KCNMA1: variants seen among roughly 807,000 people sequenced by gnomAD.
The protein encoded by KCNMA1 is Calcium-activated potassium channel subunit alpha-1.
Under a neutral mutation model 140.0 loss-of-function variants are expected in KCNMA1, and 29 were observed. The observed-to-expected ratio is 0.21, with a 90% confidence interval of 0.15 to 0.28. The LOEUF (loss-of-function observed/expected upper bound fraction) is 0.28, where lower values mean the gene tolerates loss of function less well. Ranked by LOEUF, KCNMA1 falls within the 10% of genes least tolerant of loss-of-function variation. The pLI is 1.00. For synonymous variants in KCNMA1, 612 were observed against 611.9 expected (o/e 1.00, Z 0.00); for missense variants, 880 against 1,602.2 (o/e 0.55, Z 7.70).
At position 77,567,447 on chromosome 10, in the gene KCNMA1, TCCTAGCC is replaced by T. The variant is rs1199709815; in HGVS notation, c.378+69811_378+69817del. Among the ~76,000 whole-genome samples, 4 of 152,210 alleles carry T rather than the reference TCCTAGCC, an allele frequency of 2.6e-5. No individual in the cohort carries two copies. The South Asian group carries it at 8.3e-4, about 32-fold the overall frequency. On this transcript the variant is annotated intron_variant, in intron 1 of 27. Coordinates refer to ENST00000286628, the MANE Select transcript of KCNMA1 (RefSeq NM_001161352.2). ...TAAGCGTGTGTAACTCTTGAGCAAA[TCCTAGCC>T]CCTGGAGGAACTACCGGCAGTTATG...
intron 2 of KCNMA1, among the ~76,000 whole-genome samples, chr10:77,261,470 A>G (rs763279452): frequency 6.6e-6 from 1 of 152,182 alleles, no homozygotes; most frequent in Non-Finnish European, 1.5e-5. Context: ...TTCCCCAAAC[A>G]TCGCAGGAGT....
At chr10:77,011,638 G>C (rs561410400) in intron 18 of KCNMA1, among the ~76,000 whole-genome samples, 4 of 152,294 alleles carry the variant, frequency 2.6e-5, no homozygotes, top group African/African-American at 9.6e-5. Flanking sequence ...AACACTTTGT[G>C]CTCTGTGGCT....
intron 3 of KCNMA1, among the ~76,000 whole-genome samples, chr10:77,209,482 T>C (rs189041256): frequency 2.6e-5 from 4 of 152,282 alleles, no homozygotes; most frequent in African/African-American, 9.6e-5. Context: ...AAGTTCTAGG[T>C]TCAGATAACA....
Position 77,012,061 on chromosome 10 carries a change from A to G in KCNMA1, c.2016-18T>C. ...AAAATGCCCTGGAGAAAGAGAATGGAAAAACTGACACGTTTCATAATCCAC... is the reference window on the plus strand; with the variant it reads ...AAAATGCCCTGGAGAAAGAGAATGGGAAAACTGACACGTTTCATAATCCAC... On this transcript the variant is annotated intron_variant, in intron 17 of 27. Transcript: ENST00000286628. 5.6e-6 allele frequency: 9 copies of G among 1,613,508 alleles called. No individual in the cohort carries two copies. The highest frequency in any genetic ancestry group is 7.6e-6 in the Non-Finnish European group (9 of 1,179,718).
In KCNMA1 at chr10:77,321,107, A is replaced by G. The variant is rs551577383; in HGVS notation, c.541-69851T>C. ...TTTGCCTTCCCTAGGCAAGATGTTT[A>G]TATTTAATCAAACAACTTCTGGGAA... is the stretch of plus-strand genomic sequence containing the variant. On this transcript the variant is annotated intron_variant, in intron 2 of 27. Transcript: ENST00000286628. Among the ~76,000 whole-genome samples, 3 of 152,366 alleles carry G rather than the reference A, an allele frequency of 2.0e-5. No individual in the cohort carries two copies. In the South Asian group the frequency reaches 6.2e-4, roughly 32 times the overall value.
intron 2 of KCNMA1, among the ~76,000 whole-genome samples, chr10:77,295,559 A>G (rs565807629): frequency 6.6e-6 from 1 of 151,768 alleles, no homozygotes; most frequent in East Asian, 1.9e-4. Flanking sequence ...AGGCGGGTGG[A>G]TCATGAGGTC....
chr10:77,565,203 C>T (rs2067789416), intron 1 of KCNMA1, among the ~76,000 whole-genome samples: 1 of 152,158 alleles, frequency 6.6e-6, no homozygotes, highest in Admixed American at 6.5e-5. Context: ...GGTTACCTTC[C>T]CCTTGTGAAT....
intron 3 of KCNMA1, among the ~76,000 whole-genome samples, chr10:77,246,160 A>C (rs542007): frequency 0.67 from 102,371 of 152,132 alleles, 34,581 homozygotes; most frequent in East Asian, 0.8. Flanking sequence ...TCAGTTACTT[A>C]CACAATCTGG....
chr10:76,910,330 C>A, intron 24 of KCNMA1: 4 of 501,048 alleles, frequency 8.0e-6, no homozygotes, highest in South Asian at 7.7e-5. Context: ...AGCAGGCTTG[C>A]TCCACGGCAG....
chr10:76,981,506 T>G (rs1226190060), intron 19 of KCNMA1, among the ~76,000 whole-genome samples: 3 of 152,088 alleles, frequency 2.0e-5, no homozygotes, highest in African/African-American at 7.2e-5. Flanking sequence ...CTCTTTTCTT[T>G]CCCTTGAATT....
rs142839627 is a variant in KCNMA1, at chr10:77,247,115, T to G, written c.602+4080A>C. Among the ~76,000 whole-genome samples the G allele has an allele frequency of 2.5e-3, 385 of 152,340 alleles. 3 individuals are homozygous for G. Among genetic ancestry groups the G allele is most frequent in the Non-Finnish European group, 4.7e-3 (322 of 68,028 alleles). Reference sequence around the variant, plus strand: ...AGTGAGCAGGACTTGACCTTCATTTTCAGTATACGCCACATTAAATATTCA... The same window carrying G: ...AGTGAGCAGGACTTGACCTTCATTTGCAGTATACGCCACATTAAATATTCA... On this transcript the variant is annotated intron_variant, in intron 3 of 27. Coordinates refer to ENST00000286628, the MANE Select transcript of KCNMA1 (RefSeq NM_001161352.2).
intron 1 of KCNMA1, among the ~76,000 whole-genome samples, chr10:77,627,957 G>A (rs2092729833): frequency 6.6e-6 from 1 of 152,118 alleles, no homozygotes; most frequent in African/African-American, 2.4e-5. Flanking sequence ...GCTATTTGTT[G>A]TCTACTAATC....
chr10:77,161,386 T>A (rs989803015), intron 5 of KCNMA1, among the ~76,000 whole-genome samples: 5 of 152,012 alleles, frequency 3.3e-5, no homozygotes, highest in Non-Finnish European at 5.9e-5. Flanking sequence ...TAGTTAGGAC[T>A]ACAGGCATAA....
chr10:76,983,295 A>C (rs938214352), intron 19 of KCNMA1, among the ~76,000 whole-genome samples: 2 of 152,250 alleles, frequency 1.3e-5, no homozygotes, highest in Admixed American at 1.3e-4. Flanking sequence ...AAGAACATAC[A>C]TTACATTATC....
intron 3 of KCNMA1, among the ~76,000 whole-genome samples, chr10:77,228,794 G>A (rs1464301832): frequency 6.6e-6 from 1 of 152,158 alleles, no homozygotes; most frequent in South Asian, 2.1e-4. Flanking sequence ...AGAAATTCCA[G>A]CTTGAGCCAC....
At chr10:77,403,743 C>G (rs1024336764) in intron 2 of KCNMA1, 119 bp downstream of exon 2, 21 of 996,678 alleles carry the variant, frequency 2.1e-5, no homozygotes, top group Non-Finnish European at 3.1e-5. Context: ...GCTGCTCACC[C>G]CCACCTCCCA....
At chr10:77,595,216 G>A (rs1170989086) in intron 1 of KCNMA1, among the ~76,000 whole-genome samples, 1 of 151,950 alleles carries the variant, frequency 6.6e-6, no homozygotes, top group Non-Finnish European at 1.5e-5. Context: ...GCATGGTGGT[G>A]GGCGCCTGTA....
chr10:77,158,310 G>C (rs1242332134), intron 5 of KCNMA1, among the ~76,000 whole-genome samples: 1 of 152,154 alleles, frequency 6.6e-6, no homozygotes, highest in East Asian at 1.9e-4. Flanking sequence ...GATCCTCACA[G>C]TAACTCCTTT....
intron 2 of KCNMA1, among the ~76,000 whole-genome samples, chr10:77,390,110 CAT>C (rs1260737342): frequency 6.6e-6 from 1 of 152,130 alleles, no homozygotes; most frequent in Non-Finnish European, 1.5e-5. Context: ...GATAAGAAAA[CAT>C]AAAGATATTT....
Sources: allele counts gnomAD v4.1 joint callset (sites outside exome capture counted in the v4.1 genomes callset), GRCh38; gene constraint gnomAD v4.1.1; transcripts MANE v1.5; gene names NCBI Gene and HGNC (gene_info 2026-07-23, HGNC 2026-07-21).